Variants in NEUROD2 observed in about 807,000 individuals in gnomAD.
NEUROD2 encodes the protein neuronal differentiation 2, also known as neurogenic differentiation factor 2.
NEUROD2 carries 5 observed loss-of-function variants against 9.3 expected under a neutral mutation model. The observed-to-expected ratio is 0.54, with a 90% CI of 0.28 to 1.13. NEUROD2 has a LOEUF of 1.13. NEUROD2 is among the 50% of genes most tolerant of loss of function. The pLI, the probability that NEUROD2 is intolerant of heterozygous loss-of-function variation, is 0.10. For synonymous variants in NEUROD2, 277 were observed against 257.3 expected (o/e 1.08, Z -0.73); for missense variants, 376 against 549.2 (o/e 0.68, Z 3.15).
At chr17:39,607,512 C>T (rs1422635987) in intron 1 of NEUROD2, 8 of 691,702 alleles carry the variant, frequency 1.2e-5, no homozygotes, top group Non-Finnish European at 1.4e-5. Flanking sequence ...CCTGCCTTCC[C>T]CCCCCACCGA....
At position 39,605,335 on chromosome 17, in the gene NEUROD2, T is replaced by C; in HGVS notation, c.*116A>G. Reference sequence around the variant, plus strand: ...TGCCCCAGGAGAGCGGCAGGACCGGTGGCCCGCTCCCCGCGCCCGGCGCCG... The same window carrying C: ...TGCCCCAGGAGAGCGGCAGGACCGGCGGCCCGCTCCCCGCGCCCGGCGCCG... On this transcript the variant is annotated 3_prime_UTR_variant, in exon 2 of 2. Coordinates refer to ENST00000302584, the MANE Select transcript of NEUROD2 (RefSeq NM_006160.4). The surrounding 1 kb of genome is among the most constrained non-coding windows in gnomAD (Gnocchi z 6.8). 2.2e-6 allele frequency: 3 copies of C among 1,348,770 alleles called. No individual in the cohort carries two copies. Among genetic ancestry groups the C allele is most frequent in the Non-Finnish European group, 3.0e-6 (3 of 1,015,778 alleles). 83.6% of individuals were successfully genotyped at this position (1,348,770 alleles called of 1,614,324 possible).
rs1453263836 is a variant in NEUROD2, at chr17:39,604,753, AGC to A, written c.*696_*697del. 1 of 21,278 alleles carries A rather than the reference AGC, an allele frequency of 4.7e-5. No individual in the cohort carries two copies. The highest frequency in any genetic ancestry group is 9.0e-5 in the Non-Finnish European group (1 of 11,082). 1.3% of individuals were successfully genotyped at this position (21,278 alleles called of 1,614,324 possible). ...CTGCGTTCGGCTTCCGTCGCCTCTT[AGC>A]TTTTTTTTTTTTTTTTTTTTTTTTT... On this transcript the variant is annotated 3_prime_UTR_variant, in exon 2 of 2. Coordinates refer to ENST00000302584, the MANE Select transcript of NEUROD2 (RefSeq NM_006160.4).
At chr17:39,607,666 C>G in intron 1 of NEUROD2, 62 bp downstream of exon 1, 1 of 984,918 alleles carries the variant, frequency 1.0e-6, no homozygotes, top group Non-Finnish European at 1.2e-6. Flanking sequence ...TCCTGTCGGC[C>G]GAAGCTGCCG....
At position 39,606,360 on chromosome 17, in the gene NEUROD2, C is replaced by A; in HGVS notation, c.240G>T (p.Gly80=). ...CCTCCTCTTCCTCCTCCTCCTCTCC[C>A]CCCAGCTCGCCTTCCTCCTTGACCT... ...LAEVKEEGEL[G]GEEEEEEEEE... is the part of the protein sequence containing the mutation. The change falls in exon 2 of 2, where the codon GGG becomes GGT. Residue 80 remains glycine (G), a synonymous_variant. Coordinates refer to ENST00000302584, the MANE Select transcript of NEUROD2 (RefSeq NM_006160.4). This position sits in a 1 kb window ranked among gnomAD's most constrained non-coding sequence, Gnocchi z 7.8. 4 of 1,571,634 alleles carry A rather than the reference C, an allele frequency of 2.5e-6. No individual in the cohort carries two copies. The highest frequency in any genetic ancestry group is 2.6e-6 in the Non-Finnish European group (3 of 1,161,228).
chr17:39,606,522 G>C lies in NEUROD2; in HGVS notation c.78C>G (p.Asp26Glu). The C allele has an allele frequency of 6.4e-7, 1 of 1,568,206 alleles. No homozygotes were observed. The highest frequency in any genetic ancestry group is 1.1e-5 in the South Asian group (1 of 87,400). ...PKFASWGDGEDDEPRSDKGDA... is the reference protein window; with the variant it reads ...PKFASWGDGEEDEPRSDKGDA... ...CGCCCTTGTCGCTCCTCGGCTCGTC[G>C]TCTTCGCCGTCGCCCCAGCTGGCGA... Residue 26 changes from aspartate (D) to glutamate (E), a missense_variant, in exon 2 of 2, where the codon GAC (aspartate) becomes GAG (glutamate). By Grantham distance (45) the Asp-to-Glu change is conservative. Transcript: ENST00000302584. The surrounding 1 kb of genome is among the most constrained non-coding windows in gnomAD (Gnocchi z 7.8).
In NEUROD2 at chr17:39,605,291, A is replaced by C. The variant is rs554359530; in HGVS notation, c.*160T>G. The C allele has an allele frequency of 1.0e-5, 10 of 956,062 alleles. No homozygotes were observed. In the South Asian group the frequency reaches 1.9e-4, roughly 18 times the overall value. 59.2% of individuals were successfully genotyped at this position (956,062 alleles called of 1,614,324 possible). A position where few individuals can be genotyped will look rare whatever the true frequency, so the allele number is the denominator to read the frequency against. On this transcript the variant is annotated 3_prime_UTR_variant, in exon 2 of 2. Coordinates refer to ENST00000302584, the MANE Select transcript of NEUROD2 (RefSeq NM_006160.4). The surrounding 1 kb of genome is among the most constrained non-coding windows in gnomAD (Gnocchi z 6.8). The stretch of plus-strand genomic sequence containing the variant: ...GCGAGGCCCCTGGGACAGGCCACCC[A>C]CAGGTAACAGGACTGCGCTGCCCCA...
In NEUROD2 at chr17:39,606,770, G is replaced by A. The variant is rs2056770832; in HGVS notation, c.-5-166C>T. 1 of 691,832 alleles carries A rather than the reference G, an allele frequency of 1.4e-6. No homozygotes were observed. The highest frequency in any genetic ancestry group is 1.9e-5 in the African/African-American group (1 of 51,940). The allele number at this position is 691,832 out of a possible 1,614,324, so 42.9% of individuals were successfully genotyped here. ...TCCGCCGCCTGCCCCGCCCAGAGCCGGCCCAGCCCTACCCGGCTGCCGGCC... is the reference window on the plus strand; with the variant it reads ...TCCGCCGCCTGCCCCGCCCAGAGCCAGCCCAGCCCTACCCGGCTGCCGGCC... On this transcript the variant is annotated intron_variant, in intron 1 of 1. Transcript: ENST00000302584. This position sits in a 1 kb window ranked among gnomAD's most constrained non-coding sequence, Gnocchi z 7.8.
At position 39,604,841 on chromosome 17, in the gene NEUROD2, A is replaced by C. The variant is rs2056760520; in HGVS notation, c.*610T>G. 8.6e-6 allele frequency: 1 copy of C among 115,844 alleles called. No homozygotes were observed. The highest frequency in any genetic ancestry group is 3.3e-5 in the African/African-American group (1 of 30,074). The allele number at this position is 115,844 out of a possible 1,614,324, so 7.2% of individuals were successfully genotyped here. On this transcript the variant is annotated 3_prime_UTR_variant, in exon 2 of 2. Coordinates refer to ENST00000302584, the MANE Select transcript of NEUROD2 (RefSeq NM_006160.4). ...AAAGGAAAAGGGAAAAACGGATTCT[A>C]GTTACAAATTGTCTTGGCCTCTCTC...
rs1457275997 is a variant in NEUROD2 at position 39,606,513 on chromosome 17, C to T, written c.87G>A (p.Pro29=). The change falls in exon 2 of 2, where the codon CCG becomes CCA. Residue 29 remains proline (P), a synonymous_variant. Transcript: ENST00000302584. This position sits in a 1 kb window ranked among gnomAD's most constrained non-coding sequence, Gnocchi z 7.8. ...ASWGDGEDDE[P]RSDKGDAPPP... is the part of the protein sequence containing the mutation. ...GCGGCGCGTCGCCCTTGTCGCTCCT[C>T]GGCTCGTCGTCTTCGCCGTCGCCCC... 3 of 1,563,810 alleles carry T rather than the reference C, an allele frequency of 1.9e-6. No individual in the cohort carries two copies. The highest frequency in any genetic ancestry group is 1.8e-5 in the Admixed American group (1 of 55,302).
chr17:39,605,229 C>A lies in NEUROD2; in HGVS notation c.*222G>T, dbSNP rs380373. On this transcript the variant is annotated 3_prime_UTR_variant, in exon 2 of 2. Coordinates refer to ENST00000302584, the MANE Select transcript of NEUROD2 (RefSeq NM_006160.4). The surrounding 1 kb of genome is among the most constrained non-coding windows in gnomAD (Gnocchi z 6.8). ...CTCCTTGGGAGAGAGGAGGAGGGAA[C>A]CCCTTGGGGAGAGAGAAGGCGAGTC... The A allele has an allele frequency of 2.0e-6, 1 of 504,072 alleles. No individual in the cohort carries two copies. Among genetic ancestry groups the A allele is most frequent in the Non-Finnish European group, 3.4e-6 (1 of 293,430 alleles). 31.2% of individuals were successfully genotyped at this position (504,072 alleles called of 1,614,324 possible).
Position 39,606,678 on chromosome 17 carries a change from C to A in NEUROD2, c.-5-74G>T, listed in dbSNP as rs900046352. On this transcript the variant is annotated intron_variant, in intron 1 of 1. Coordinates refer to ENST00000302584, the MANE Select transcript of NEUROD2 (RefSeq NM_006160.4). This position sits in a 1 kb window ranked among gnomAD's most constrained non-coding sequence, Gnocchi z 7.8. Reference sequence around the variant, plus strand: ...GGGGCGCGCTGGGGTACCGACGCCCCCCCACAACCCTCCTCCACCCCCGAG... The same window carrying A: ...GGGGCGCGCTGGGGTACCGACGCCCACCCACAACCCTCCTCCACCCCCGAG... 1.6e-4 allele frequency: 220 copies of A among 1,385,480 alleles called. No individual in the cohort carries two copies. The highest frequency in any genetic ancestry group is 1.9e-4 in the Non-Finnish European group (201 of 1,057,522). The allele number at this position is 1,385,480 out of a possible 1,614,324, so 85.8% of individuals were successfully genotyped here. A position where few individuals can be genotyped will look rare whatever the true frequency, so the allele number is the denominator to read the frequency against.
rs1597766903 is a variant in NEUROD2 at position 39,606,439 on chromosome 17, G to T, written c.161C>A (p.Ala54Glu). Residue 54 changes from alanine (A) to glutamate (E), a missense_variant, in exon 2 of 2, where the codon GCG (alanine) becomes GAG (glutamate). This residue lies in a region of NEUROD2 where 134 missense variants were observed against 133.6 expected (regional missense o/e 1.00). Coordinates refer to ENST00000302584, the MANE Select transcript of NEUROD2 (RefSeq NM_006160.4). The surrounding 1 kb of genome is among the most constrained non-coding windows in gnomAD (Gnocchi z 7.8). ...TCCACGGAGAGGGACTGGCTTGGCC[G>T]CCCGGGCTGGCCCCGGAGCCCCTGG... is the stretch of plus-strand genomic sequence containing the variant. The part of the protein sequence containing the change: ...PGPGAPGPAR[A>E]AKPVPLRGEE... 1 of 1,512,604 alleles carries T rather than the reference G, an allele frequency of 6.6e-7. No homozygotes were observed. Among genetic ancestry groups the T allele is most frequent in the South Asian group, 1.3e-5 (1 of 79,246 alleles). 93.7% of individuals were successfully genotyped at this position (1,512,604 alleles called of 1,614,324 possible).
chr17:39,607,515 C>A (rs996661351), intron 1 of NEUROD2: 10 of 711,860 alleles, frequency 1.4e-5, no homozygotes, highest in Admixed American at 6.3e-5. Flanking sequence ...GCCTTCCCCC[C>A]CCACCGAGCC....
Position 39,606,678 on chromosome 17 carries a change from C to G in NEUROD2, c.-5-74G>C. The G allele has an allele frequency of 1.4e-6, 2 of 1,385,596 alleles. No homozygotes were observed. Among genetic ancestry groups the G allele is most frequent in the Non-Finnish European group, 1.9e-6 (2 of 1,057,516 alleles). 85.8% of individuals were successfully genotyped at this position (1,385,596 alleles called of 1,614,324 possible). On this transcript the variant is annotated intron_variant, in intron 1 of 1. Coordinates refer to ENST00000302584, the MANE Select transcript of NEUROD2 (RefSeq NM_006160.4). This position sits in a 1 kb window ranked among gnomAD's most constrained non-coding sequence, Gnocchi z 7.8. ...GGGGCGCGCTGGGGTACCGACGCCC[C>G]CCCACAACCCTCCTCCACCCCCGAG...
chr17:39,605,320 G>A lies in NEUROD2; in HGVS notation c.*131C>T, dbSNP rs1008902074. 2 of 1,238,596 alleles carry A rather than the reference G, an allele frequency of 1.6e-6. No homozygotes were observed. Among genetic ancestry groups the A allele is most frequent in the Non-Finnish European group, 2.2e-6 (2 of 917,418 alleles). 76.7% of individuals were successfully genotyped at this position (1,238,596 alleles called of 1,614,324 possible). On this transcript the variant is annotated 3_prime_UTR_variant, in exon 2 of 2. Transcript: ENST00000302584. The surrounding 1 kb of genome is among the most constrained non-coding windows in gnomAD (Gnocchi z 6.8). ...GTAACAGGACTGCGCTGCCCCAGGA[G>A]AGCGGCAGGACCGGTGGCCCGCTCC...
At chr17:39,607,585 G>T (rs1042501664) in intron 1 of NEUROD2, 143 bp downstream of exon 1, 16 of 984,586 alleles carry the variant, frequency 1.6e-5, no homozygotes, top group Non-Finnish European at 1.9e-5. Flanking sequence ...AAGGGAGAGA[G>T]AACCTGGGGC....
Position 39,606,872 on chromosome 17 carries a change from G to T in NEUROD2, c.-5-268C>A, listed in dbSNP as rs1462444156. The T allele has an allele frequency of 6.9e-6, 3 of 434,298 alleles. No individual in the cohort carries two copies. The highest frequency in any genetic ancestry group is 4.5e-5 in the Admixed American group (1 of 22,378). 26.9% of individuals were successfully genotyped at this position (434,298 alleles called of 1,614,324 possible). On this transcript the variant is annotated intron_variant, in intron 1 of 1. Coordinates refer to ENST00000302584, the MANE Select transcript of NEUROD2 (RefSeq NM_006160.4). This position sits in a 1 kb window ranked among gnomAD's most constrained non-coding sequence, Gnocchi z 7.8. ...TCGCTTGAATGGGGGGCTGCTCCCCGCGCCTGCTTCTTCTCAGGGTCAGGG... is the reference window on the plus strand; with the variant it reads ...TCGCTTGAATGGGGGGCTGCTCCCCTCGCCTGCTTCTTCTCAGGGTCAGGG...
chr17:39,606,739 C>A lies in NEUROD2; in HGVS notation c.-5-135G>T. The A allele has an allele frequency of 1.1e-6, 1 of 932,448 alleles. No individual in the cohort carries two copies. The highest frequency in any genetic ancestry group is 1.5e-6 in the Non-Finnish European group (1 of 666,852). 57.8% of individuals were successfully genotyped at this position (932,448 alleles called of 1,614,324 possible). ...GCTCCTGCCTAGGCTACCCTGGATG[C>A]CCACCTCCGCCGCCTGCCCCGCCCA... On this transcript the variant is annotated intron_variant, in intron 1 of 1. Transcript: ENST00000302584. The surrounding 1 kb of genome is among the most constrained non-coding windows in gnomAD (Gnocchi z 7.8).
At position 39,604,657 on chromosome 17, in the gene NEUROD2, T is replaced by C. The variant is rs1235235737; in HGVS notation, c.*794A>G. The C allele has an allele frequency of 2.0e-5, 3 of 152,010 alleles. No individual in the cohort carries two copies. The highest frequency in any genetic ancestry group is 2.9e-5 in the Non-Finnish European group (2 of 67,966). 9.4% of individuals were successfully genotyped at this position (152,010 alleles called of 1,614,324 possible). On this transcript the variant is annotated 3_prime_UTR_variant, in exon 2 of 2. Coordinates refer to ENST00000302584, the MANE Select transcript of NEUROD2 (RefSeq NM_006160.4). ...GTAGTGGTTTTTTTTTGTTTGTTTT[T>C]TTGTTTTTTGTTTTTTTTGCCTTTT...
Sources: gnomAD v4.1 joint callset for allele counts on GRCh38, gnomAD v4.1.1 for gene constraint, gnomAD v4.1.1 regional missense constraint, Gnocchi (gnomAD v3.1) non-coding constraint, MANE v1.5 for transcripts, NCBI Gene and HGNC (gene_info 2026-07-23, HGNC 2026-07-21) for gene names.